CSMD1: variants seen among roughly 807,000 people sequenced by gnomAD.
CSMD1 encodes CUB and Sushi multiple domains 1.
CSMD1 carries 213 observed loss-of-function variants against 417.5 expected under a neutral mutation model. The observed-to-expected ratio is 0.51, with a 90% CI of 0.46 to 0.57. CSMD1 has a LOEUF of 0.57. Among genes scored for constraint, CSMD1 ranks in the 20% least tolerant of loss-of-function variants. The pLI is 0.00. For missense variants in CSMD1, 6,923 were observed against 4,529.7 expected (o/e 1.53, Z -15.17); for synonymous variants, 2,862 against 1,736.8 (o/e 1.65, Z -16.11).
At chr8:3,731,494 T>C (rs10503215) in intron 6 of CSMD1, among the ~76,000 whole-genome samples, 17,132 of 152,198 alleles carry the variant, frequency 0.11, 1,210 homozygotes, top group African/African-American at 0.19. Context: ...CAGCCACTGT[T>C]GGACAATTCA....
At chr8:3,670,170 G>C (rs1004262455) in intron 7 of CSMD1, among the ~76,000 whole-genome samples, 48 of 152,120 alleles carry the variant, frequency 3.2e-4, no homozygotes, top group African/African-American at 1.0e-3. Context: ...CAATGGATCA[G>C]GGAAGGCAGA....
At chr8:3,608,745 C>A (rs994306754) in intron 8 of CSMD1, among the ~76,000 whole-genome samples, 1 of 136,764 alleles carries the variant, frequency 7.3e-6, no homozygotes, top group Non-Finnish European at 1.5e-5. Flanking sequence ...GCCTGGACAA[C>A]AGAGTGAGAC....
intron 2 of CSMD1, among the ~76,000 whole-genome samples, chr8:4,493,127 A>G (rs1314611115): frequency 6.6e-6 from 1 of 152,192 alleles, no homozygotes; most frequent in Admixed American, 6.6e-5. Context: ...CTGCTCTGGT[A>G]CCGTAAGAAG....
intron 6 of CSMD1, among the ~76,000 whole-genome samples, chr8:3,721,175 T>C (rs546743534): frequency 6.6e-6 from 1 of 152,270 alleles, no homozygotes; most frequent in East Asian, 1.9e-4. Context: ...ACACCATTTT[T>C]TTTTCTCCAG....
intron 2 of CSMD1, among the ~76,000 whole-genome samples, chr8:4,445,666 G>A (rs1009820601): frequency 6.6e-6 from 1 of 152,170 alleles, no homozygotes; most frequent in South Asian, 2.1e-4. Flanking sequence ...GAAGCCACTA[G>A]AGAACATTAC....
intron 4 of CSMD1, among the ~76,000 whole-genome samples, chr8:4,017,496 G>A (rs1271377842): frequency 1.3e-5 from 2 of 151,952 alleles, no homozygotes; most frequent in Non-Finnish European, 2.9e-5. Flanking sequence ...AGTAGAGACG[G>A]GGTTTCTCCA....
intron 4 of CSMD1, among the ~76,000 whole-genome samples, chr8:4,016,506 C>G (rs1251680774): frequency 6.6e-6 from 1 of 152,028 alleles, no homozygotes. Flanking sequence ...CAAGGAGGTC[C>G]AAGGTTTTAG....
chr8:4,285,505 T>C (rs1306450388), intron 3 of CSMD1, among the ~76,000 whole-genome samples: 3 of 152,208 alleles, frequency 2.0e-5, no homozygotes, highest in African/African-American at 4.8e-5. Context: ...ATAAAGAGGA[T>C]GAAGACAGAT....
intron 1 of CSMD1, among the ~76,000 whole-genome samples, chr8:4,842,838 GCTGTTAAATCTTTTT>G (rs1185928656): frequency 6.6e-6 from 1 of 152,192 alleles, no homozygotes; most frequent in African/African-American, 2.4e-5. Flanking sequence ...AAGTAGCGTA[GCTGTTAAATCTTTTT>G]TCAACGCTTA....
At chr8:4,077,305 A>ATATATATATATATATATATATGTG (rs1285185506) in intron 3 of CSMD1, among the ~76,000 whole-genome samples, 1 of 130,360 alleles carries the variant, frequency 7.7e-6, no homozygotes, top group Non-Finnish European at 1.7e-5. Context: ...GTGTATATAT[A>ATATATATATATATATATATATGTG]TATATATATA....
rs1321201237 is a variant in CSMD1, at chr8:3,006,812, T to C, written c.8030-6681A>G. 4.6e-3 allele frequency among the ~76,000 whole-genome samples: 690 copies of C among 149,832 alleles called. 3 individuals carry two copies. Among genetic ancestry groups the C allele is most frequent in the African/African-American group, 0.016 (641 of 39,454 alleles). On this transcript the variant is annotated intron_variant, in intron 52 of 69. Transcript: ENST00000635120. ...GACTTAAACGTTAGACCTAAAACCA[T>C]AAAAACCCTAGAAGAAAACCTAGGC...
intron 5 of CSMD1, among the ~76,000 whole-genome samples, chr8:3,967,238 C>G (rs528608706): frequency 1.1e-4 from 16 of 152,122 alleles, no homozygotes; most frequent in African/African-American, 3.9e-4. Flanking sequence ...TTTTCCTATT[C>G]TGATCTAATT....
At chr8:4,773,329 T>TA (rs1406520926) in intron 1 of CSMD1, among the ~76,000 whole-genome samples, 3 of 152,202 alleles carry the variant, frequency 2.0e-5, no homozygotes, top group Non-Finnish European at 4.4e-5. Context: ...TTCTGCCTTC[T>TA]AAGCTCACTG....
chr8:4,234,961 T>C (rs901531689), intron 3 of CSMD1, among the ~76,000 whole-genome samples: 3 of 152,292 alleles, frequency 2.0e-5, no homozygotes, highest in South Asian at 2.1e-4. Context: ...GGGCGGGGTG[T>C]TCATGACCTC....
intron 5 of CSMD1, among the ~76,000 whole-genome samples, chr8:3,834,389 G>C (rs1159486526): frequency 6.6e-6 from 1 of 151,936 alleles, no homozygotes; most frequent in Non-Finnish European, 1.5e-5. Context: ...TCAACCAATT[G>C]TGCCTGCACA....
intron 9 of CSMD1, among the ~76,000 whole-genome samples, chr8:3,576,701 T>A (rs958844811): frequency 1.3e-5 from 2 of 152,188 alleles, no homozygotes; most frequent in African/African-American, 4.8e-5. Context: ...AAGGACTGGA[T>A]GAAAACATGG....
intron 2 of CSMD1, among the ~76,000 whole-genome samples, chr8:4,556,213 T>C (rs1303047787): frequency 2.0e-5 from 3 of 152,210 alleles, no homozygotes. Flanking sequence ...GGGGATACTT[T>C]ATATCAGAAA....
At chr8:4,641,224 A>T (rs1803170790) in intron 1 of CSMD1, among the ~76,000 whole-genome samples, 1 of 152,040 alleles carries the variant, frequency 6.6e-6, no homozygotes, top group African/African-American at 2.4e-5. Context: ...ACAAACTTCC[A>T]AGAGAAAACC....
At chr8:4,400,112 C>T (rs544419591) in intron 3 of CSMD1, among the ~76,000 whole-genome samples, 1 of 152,110 alleles carries the variant, frequency 6.6e-6, no homozygotes, top group Admixed American at 6.5e-5. Flanking sequence ...ATAGTGTATA[C>T]TCTCTGCTCT....
Sources: gnomAD v4.1 joint callset for allele counts (sites outside exome capture counted in the v4.1 genomes callset) on GRCh38, gnomAD v4.1.1 for gene constraint, MANE v1.5 for transcripts, NCBI Gene and HGNC (gene_info 2026-07-23, HGNC 2026-07-21) for gene names.